The following SNAP91 variants were observed in gnomAD, a reference collection of about 807,000 sequenced individuals.
SNAP91 encodes clathrin coat assembly protein AP180.
SNAP91 carries 27 observed loss-of-function variants against 100.3 expected under a neutral mutation model. The observed-to-expected ratio is 0.27, with a 90% CI of 0.20 to 0.37. The LOEUF is 0.37. SNAP91 is among the 10% of genes least tolerant of loss of function. SNAP91 has a pLI of 1.00. For synonymous variants in SNAP91, 404 were observed against 398.6 expected (o/e 1.01, Z -0.16); for missense variants, 986 against 1,123.7 (o/e 0.88, Z 1.75).
intron 26 of SNAP91, among the ~76,000 whole-genome samples, chr6:83,564,555 G>C (rs983191629): frequency 2.6e-5 from 4 of 151,928 alleles, no homozygotes; most frequent in African/African-American, 7.2e-5. Flanking sequence ...TGTAGAGATA[G>C]AGTCTCATTA....
chr6:83,637,745 A>C (rs2128520193), intron 8 of SNAP91, among the ~76,000 whole-genome samples: 1 of 152,326 alleles, frequency 6.6e-6, no homozygotes, highest in African/African-American at 2.4e-5. Context: ...AAGAACCTGC[A>C]CCAGCATAAG....
chr6:83,700,447 T>C (rs919280838), intron 2 of SNAP91, among the ~76,000 whole-genome samples: 1 of 151,992 alleles, frequency 6.6e-6, no homozygotes, highest in African/African-American at 2.4e-5. Context: ...CTGATTGTTA[T>C]TGCATATTTG....
chr6:83,653,950 G>C (rs1466650652), intron 7 of SNAP91, among the ~76,000 whole-genome samples: 1 of 152,166 alleles, frequency 6.6e-6, no homozygotes, highest in Non-Finnish European at 1.5e-5. Context: ...TAAAGCTCTG[G>C]TTAAGTAGTT....
At chr6:83,655,511 A>T (rs922390337) in intron 7 of SNAP91, among the ~76,000 whole-genome samples, 2 of 152,194 alleles carry the variant, frequency 1.3e-5, no homozygotes, top group Admixed American at 1.3e-4. Flanking sequence ...GAGTAGGGCT[A>T]TGTCTTCTTC....
At chr6:83,658,120 C>G (rs1562537025) in intron 6 of SNAP91, among the ~76,000 whole-genome samples, 1 of 152,056 alleles carries the variant, frequency 6.6e-6, no homozygotes, top group East Asian at 1.9e-4. Context: ...TAAGATAACT[C>G]TAAATTTACA....
At chr6:83,691,084 A>C (rs1364890548) in intron 2 of SNAP91, among the ~76,000 whole-genome samples, 1 of 152,078 alleles carries the variant, frequency 6.6e-6, no homozygotes, top group Non-Finnish European at 1.5e-5. Flanking sequence ...GAAATACATA[A>C]CAACACATAT....
intron 26 of SNAP91, among the ~76,000 whole-genome samples, chr6:83,569,626 A>G (rs1471903604): frequency 6.6e-6 from 1 of 152,124 alleles, no homozygotes; most frequent in Non-Finnish European, 1.5e-5. Context: ...AGAAACCTGG[A>G]TGATATGGTT....
chr6:83,647,193 T>C (rs374940629), intron 7 of SNAP91, among the ~76,000 whole-genome samples: 71 of 152,274 alleles, frequency 4.7e-4, no homozygotes, highest in African/African-American at 1.7e-3. Flanking sequence ...CTCCGTTTCT[T>C]GTCTTACTGC....
rs142228801 is a variant in SNAP91 at position 83,689,129 on chromosome 6, T to C, written c.130+18669A>G. Among the ~76,000 whole-genome samples the C allele has an allele frequency of 3.4e-3, 516 of 152,268 alleles. 2 individuals carry two copies. The highest frequency in any genetic ancestry group is 6.4e-3 in the Non-Finnish European group (432 of 68,010). ...GCTCAGAGTGGGGCTTAGGAAACCT[T>C]CTGCTATCCCATCTGCAACATTAGG... On this transcript the variant is annotated intron_variant, in intron 2 of 29. Coordinates refer to ENST00000369694, the MANE Select transcript of SNAP91 (RefSeq NM_001242792.2).
chr6:83,654,134 T>A (rs1282042657), intron 7 of SNAP91, among the ~76,000 whole-genome samples: 1 of 152,278 alleles, frequency 6.6e-6, no homozygotes, highest in Non-Finnish European at 1.5e-5. Context: ...CCTTGGAGTT[T>A]TTAATTCTCA....
At chr6:83,642,071 G>C (rs1162411507) in intron 7 of SNAP91, among the ~76,000 whole-genome samples, 1 of 152,128 alleles carries the variant, frequency 6.6e-6, no homozygotes. Context: ...TCTGCCTACA[G>C]TAGTTCCCAG....
At chr6:83,651,012 G>T (rs904891282) in intron 7 of SNAP91, among the ~76,000 whole-genome samples, 1 of 152,072 alleles carries the variant, frequency 6.6e-6, no homozygotes, top group African/African-American at 2.4e-5. Flanking sequence ...CAAGGAGTTG[G>T]TCCATTTCAT....
chr6:83,677,408 T>C (rs2098925546), intron 2 of SNAP91, among the ~76,000 whole-genome samples: 1 of 152,120 alleles, frequency 6.6e-6, no homozygotes, highest in Non-Finnish European at 1.5e-5. Flanking sequence ...TGACCATGAA[T>C]GTAACACCAT....
intron 2 of SNAP91, among the ~76,000 whole-genome samples, chr6:83,697,145 T>A (rs2099225746): frequency 6.6e-6 from 1 of 152,164 alleles, no homozygotes; most frequent in Non-Finnish European, 1.5e-5. Context: ...ATTAATAGTA[T>A]CACCAATAAC....
intron 2 of SNAP91, among the ~76,000 whole-genome samples, chr6:83,704,525 G>A (rs1472342286): frequency 1.3e-5 from 2 of 152,080 alleles, no homozygotes; most frequent in African/African-American, 4.8e-5. Flanking sequence ...TTCTTCAAGT[G>A]TATAAATCAT....
At chr6:83,691,316 A>G (rs1488831446) in intron 2 of SNAP91, among the ~76,000 whole-genome samples, 2 of 152,130 alleles carry the variant, frequency 1.3e-5, no homozygotes, top group African/African-American at 4.8e-5. Flanking sequence ...AGTTCTTCAA[A>G]ACATCTTCAA....
At chr6:83,602,681 G>C (rs1262878452) in intron 14 of SNAP91, among the ~76,000 whole-genome samples, 2 of 152,090 alleles carry the variant, frequency 1.3e-5, no homozygotes. Context: ...TTAGAAATTA[G>C]AGAATTTCTT....
chr6:83,692,681 T>C (rs1299010216), intron 2 of SNAP91, among the ~76,000 whole-genome samples: 1 of 152,166 alleles, frequency 6.6e-6, no homozygotes, highest in Non-Finnish European at 1.5e-5. Flanking sequence ...GTGCCCTTTC[T>C]GCTGTACCTT....
rs146537385 is a variant in SNAP91, at chr6:83,608,281, G to A, written c.913-473C>T. Among the ~76,000 whole-genome samples, 284 of 152,240 alleles carry A rather than the reference G, an allele frequency of 1.9e-3. 1 individual carries two copies. Among genetic ancestry groups the A allele is most frequent in the African/African-American group, 6.0e-3 (248 of 41,556 alleles). ...AATCTAACTTGCAAAATAGTTCACA[G>A]TTGGAAGAGAACGATTCACAAGCAA... On this transcript the variant is annotated intron_variant, in intron 12 of 29. Coordinates refer to ENST00000369694, the MANE Select transcript of SNAP91 (RefSeq NM_001242792.2).
Sources: allele counts gnomAD v4.1 joint callset (sites outside exome capture counted in the v4.1 genomes callset), GRCh38; gene constraint gnomAD v4.1.1; transcripts MANE v1.5; gene names NCBI Gene and HGNC (gene_info 2026-07-23, HGNC 2026-07-21).